The following SLC9A1 variants were observed in gnomAD, a reference collection of about 807,000 sequenced individuals.
SLC9A1 encodes solute carrier family 9 member A1.
Under a neutral mutation model 67.9 loss-of-function variants are expected in SLC9A1, and 22 were observed. The observed-to-expected ratio is 0.32, with a 90% confidence interval of 0.23 to 0.46. SLC9A1 has a LOEUF of 0.46. Among genes scored for constraint, SLC9A1 ranks in the 20% least tolerant of loss-of-function variants. SLC9A1 has a pLI of 1.00. For synonymous variants in SLC9A1, 421 were observed against 471.8 expected (o/e 0.89, Z 1.40); for missense variants, 686 against 1,094.8 (o/e 0.63, Z 5.27).
rs1026539749 is a variant in SLC9A1, at chr1:27,101,928, C to T, written c.1935+88G>A. The T allele has an allele frequency of 2.5e-5, 35 of 1,420,032 alleles. No individual in the cohort carries two copies. The highest frequency in any genetic ancestry group is 6.7e-5 in the Admixed American group (4 of 59,638). 88.0% of individuals were successfully genotyped at this position (1,420,032 alleles called of 1,614,324 possible). On this transcript the variant is annotated intron_variant, in intron 9 of 11. Transcript: ENST00000263980. This position sits in a 1 kb window ranked among gnomAD's most constrained non-coding sequence, Gnocchi z 4.9. ...GCCGGGCCAGTCCTGGGGTGGGTGC[C>T]GAGGGGCACGGGCAGGGCAGGGCTG...
chr1:27,103,132 G>A, intron 6 of SLC9A1, 91 bp downstream of exon 6: 1 of 960,212 alleles, frequency 1.0e-6, no homozygotes, highest in East Asian at 2.4e-5. Flanking sequence ...AGGGAGAAGG[G>A]GCTGATGGGG....
intron 1 of SLC9A1, among the ~76,000 whole-genome samples, chr1:27,123,645 G>C (rs907996467): frequency 2.0e-5 from 3 of 151,118 alleles, no homozygotes; most frequent in African/African-American, 7.3e-5. Flanking sequence ...CGAGTAGCTG[G>C]GATTACAGGT....
intron 1 of SLC9A1, among the ~76,000 whole-genome samples, chr1:27,134,829 C>T (rs1402075793): frequency 2.6e-5 from 4 of 152,010 alleles, no homozygotes; most frequent in African/African-American, 7.2e-5. Flanking sequence ...CTCTGCCTCC[C>T]GGGTTCAAAT....
Position 27,118,069 on chromosome 1 carries a change from G to T in SLC9A1, c.353-3783C>A, listed in dbSNP as rs766286301. Among the ~76,000 whole-genome samples the T allele has an allele frequency of 4.6e-5, 7 of 152,150 alleles. No individual in the cohort carries two copies. The highest frequency in any genetic ancestry group is 8.8e-5 in the Non-Finnish European group (6 of 68,038). On this transcript the variant is annotated intron_variant, in intron 1 of 11. Coordinates refer to ENST00000263980, the MANE Select transcript of SLC9A1 (RefSeq NM_003047.5). The surrounding 1 kb of genome is among the most constrained non-coding windows in gnomAD (Gnocchi z 4.3). ...CACTCAGCCAGGCCAACCAGGACTG[G>T]GTCCCGGGCCTCCTGACTACAGCAC...
intron 1 of SLC9A1, among the ~76,000 whole-genome samples, chr1:27,129,735 T>C (rs1031938268): frequency 5.9e-5 from 9 of 152,296 alleles, no homozygotes; most frequent in African/African-American, 2.2e-4. Context: ...ACTCCAAAAC[T>C]GGTCCTTGCT....
Position 27,114,268 on chromosome 1 carries a change from G to C in SLC9A1, c.371C>G (p.Thr124Ser). 1.2e-6 allele frequency: 2 copies of C among 1,610,118 alleles called. No homozygotes were observed. Among genetic ancestry groups the C allele is most frequent in the Non-Finnish European group, 1.7e-6 (2 of 1,176,574 alleles). ...GCTCTCCGGGACGATGCTTGAGATA[G>C]TGGGGATCACATGGAAACCTGCGGA... The part of the protein sequence containing the change: ...LMKIGFHVIP[T>S]ISSIVPESCL... Residue 124 changes from threonine to serine, a missense_variant, in exon 2 of 12, where the codon ACT (threonine) becomes AGT (serine). Physicochemically the swap from Thr to Ser is moderately conservative, Grantham distance 58 (BLOSUM62 1). Around this residue, in one of 7 missense-constraint regions of SLC9A1, gnomAD observed 143 missense variants for 166.7 expected, o/e 0.86. Transcript: ENST00000263980. This position sits in a 1 kb window ranked among gnomAD's most constrained non-coding sequence, Gnocchi z 5.4.
intron 1 of SLC9A1, among the ~76,000 whole-genome samples, chr1:27,135,046 T>C (rs2083410636): frequency 6.6e-6 from 1 of 151,064 alleles, no homozygotes. Context: ...AGCATGGTTG[T>C]TTTTATGCCA....
intron 1 of SLC9A1, among the ~76,000 whole-genome samples, chr1:27,124,592 G>A (rs1375645599): frequency 6.6e-6 from 1 of 152,192 alleles, no homozygotes. Context: ...GCGGGGGACC[G>A]CAAAGGAAGA....
At chr1:27,132,118 G>C (rs1452841943) in intron 1 of SLC9A1, among the ~76,000 whole-genome samples, 1 of 151,748 alleles carries the variant, frequency 6.6e-6, no homozygotes, top group Non-Finnish European at 1.5e-5. Context: ...CTCAAGCCCA[G>C]AAACTGACTC....
rs142081745 is a variant in SLC9A1 at position 27,151,747 on chromosome 1, G to A, written c.352+2236C>T. ...TGGTGGCTGAATTCCACACTGCAAA[G>A]GTGAAGCTGGGAAAAATGGGCTTTC... On this transcript the variant is annotated intron_variant, in intron 1 of 11. Transcript: ENST00000263980. Among the ~76,000 whole-genome samples, 241 of 152,314 alleles carry A rather than the reference G, an allele frequency of 1.6e-3. 1 individual carries two copies. The highest frequency in any genetic ancestry group is 5.4e-3 in the African/African-American group (224 of 41,568).
At position 27,100,573 on chromosome 1, in the gene SLC9A1, C is replaced by T. The variant is rs754510627; in HGVS notation, c.2182G>A (p.Glu728Lys). 8.7e-6 allele frequency: 14 copies of T among 1,613,930 alleles called. No homozygotes were observed. The highest frequency in any genetic ancestry group is 1.3e-5 in the African/African-American group (1 of 75,046). ...TCTTCATTCACCAGGTCCACAGACT[C>T]GGGTGACTGCGGGGAAGCCGGGTCG... ...TIDPASPQSP[E>K]SVDLVNEELK... Residue 728 changes from glutamate (E) to lysine (K), a missense_variant, in exon 12 of 12, where the codon GAG (glutamate) becomes AAG (lysine). Coordinates refer to ENST00000263980, the MANE Select transcript of SLC9A1 (RefSeq NM_003047.5). The surrounding 1 kb of genome is among the most constrained non-coding windows in gnomAD (Gnocchi z 5.6).
intron 5 of SLC9A1, 148 bp from the exon 6 acceptor site, chr1:27,103,460 C>T (rs2083162178): frequency 1.5e-6 from 1 of 660,730 alleles, no homozygotes; most frequent in African/African-American, 1.8e-5. Flanking sequence ...AGAACTCTCC[C>T]ACCTCCCAGC....
intron 1 of SLC9A1, among the ~76,000 whole-genome samples, chr1:27,122,022 A>G (rs965503686): frequency 1.3e-5 from 2 of 152,178 alleles, no homozygotes; most frequent in East Asian, 3.9e-4. Flanking sequence ...AGAGTGAGGC[A>G]TAAGAATTGC....
At chr1:27,140,321 A>G (rs1443003927) in intron 1 of SLC9A1, among the ~76,000 whole-genome samples, 3 of 152,084 alleles carry the variant, frequency 2.0e-5, no homozygotes, top group Non-Finnish European at 2.9e-5. Context: ...GCACGAATCC[A>G]TTTGCTGAAC....
Position 27,102,261 on chromosome 1 carries a change from C to T in SLC9A1, c.1820+124G>A, listed in dbSNP as rs956072465. ...AAAGCCTCAGGTCCTTGGTGCGAGCCCACAGCTCTCTTGTCCGCCCCAACA... is the reference window on the plus strand; with the variant it reads ...AAAGCCTCAGGTCCTTGGTGCGAGCTCACAGCTCTCTTGTCCGCCCCAACA... On this transcript the variant is annotated intron_variant, in intron 8 of 11. Transcript: ENST00000263980. 9 of 1,350,482 alleles carry T rather than the reference C, an allele frequency of 6.7e-6. No individual in the cohort carries two copies. The South Asian group carries it at 7.6e-5, about 11-fold the overall frequency. The allele number at this position is 1,350,482 out of a possible 1,614,324, so 83.7% of individuals were successfully genotyped here. A position where few individuals can be genotyped will look rare whatever the true frequency, so the allele number is the denominator to read the frequency against.
At chr1:27,141,330 C>T (rs149330293) in intron 1 of SLC9A1, among the ~76,000 whole-genome samples, 18 of 152,320 alleles carry the variant, frequency 1.2e-4, no homozygotes, top group African/African-American at 4.3e-4. Flanking sequence ...TTTTTCTAAC[C>T]ACCATGCCTG....
rs1165014263 is a variant in SLC9A1 at position 27,099,376 on chromosome 1, C to G, written c.*931G>C. 1 of 152,756 alleles carries G rather than the reference C, an allele frequency of 6.5e-6. No homozygotes were observed. 9.5% of individuals were successfully genotyped at this position (152,756 alleles called of 1,614,324 possible). A position where few individuals can be genotyped will look rare whatever the true frequency, so the allele number is the denominator to read the frequency against. ...GAGTTACTTCTGATGTCACAGTCTT[C>G]GAGCAACAGTTAAGAGCCCAGCAGG... On this transcript the variant is annotated 3_prime_UTR_variant, in exon 12 of 12. Transcript: ENST00000263980.
At chr1:27,119,032 A>G (rs1404466887) in intron 1 of SLC9A1, among the ~76,000 whole-genome samples, 1 of 139,828 alleles carries the variant, frequency 7.2e-6, no homozygotes, top group Non-Finnish European at 1.5e-5. Flanking sequence ...TGTAGGTGGT[A>G]GCTGGAACGA....
chr1:27,119,536 G>A (rs1052466095), intron 1 of SLC9A1, among the ~76,000 whole-genome samples: 5 of 152,276 alleles, frequency 3.3e-5, no homozygotes, highest in African/African-American at 9.6e-5. Context: ...AGCAATGAAA[G>A]GTAATACTTC....
Sources: allele counts gnomAD v4.1 joint callset (sites outside exome capture counted in the v4.1 genomes callset), GRCh38; gene constraint gnomAD v4.1.1; regional missense constraint gnomAD v4.1.1; non-coding constraint Gnocchi (gnomAD v3.1); transcripts MANE v1.5; gene names NCBI Gene and HGNC (gene_info 2026-07-23, HGNC 2026-07-21).